KLF8: variants seen among roughly 807,000 people sequenced by gnomAD.
The protein encoded by KLF8 is KLF transcription factor 8, also known as Krueppel-like factor 8.
A neutral mutation model predicts 18.2 loss-of-function variants in KLF8; 10 were observed. That is an observed-to-expected ratio of 0.55 (90% CI 0.34 to 0.93). The LOEUF (loss-of-function observed/expected upper bound fraction) is 0.93, where lower values mean the gene tolerates loss of function less well. KLF8 is among the 40% of genes least tolerant of loss of function. The probability of loss-of-function intolerance (pLI) is 0.02; values close to 1 mark genes in which losing one functional copy is unlikely to be tolerated. For synonymous variants in KLF8, 109 were observed against 97.3 expected, an observed-to-expected ratio of 1.12 and a Z score of -0.71; for missense variants, 264 against 277.9, an observed-to-expected ratio of 0.95 and a Z score of 0.36.
At chrX:55,976,801 T>G in the KLF8 span, among the ~76,000 whole-genome samples, 1 of 111,866 alleles carries the variant, frequency 8.9e-6, no homozygotes, top group Admixed American at 9.6e-5. Flanking sequence ...TCATCTTCAA[T>G]TTCTTTCATC....
chrX:56,076,317 A>C, the KLF8 span, among the ~76,000 whole-genome samples: 1 of 71,561 alleles, frequency 1.4e-5, no homozygotes, highest in Non-Finnish European at 2.5e-5. Flanking sequence ...CAGTCCCCAG[A>C]GTGTGATGTT....
the KLF8 span, among the ~76,000 whole-genome samples, chrX:55,976,534 CTT>C: frequency 9.1e-6 from 1 of 109,344 alleles, no homozygotes; most frequent in Non-Finnish European, 1.9e-5. Context: ...TCACAAATAA[CTT>C]TATTTTTAAG....
chrX:56,015,264 G>A, the KLF8 span: 2 of 111,861 alleles, frequency 1.8e-5, no homozygotes, highest in African/African-American at 3.2e-5. Flanking sequence ...CAGATTTGAT[G>A]TGTCACAAAA....
chrX:56,222,596 TG>T, the KLF8 span, among the ~76,000 whole-genome samples: 1 of 112,753 alleles, frequency 8.9e-6, no homozygotes, highest in Admixed American at 9.3e-5. Context: ...TCCCACATGG[TG>T]GGCCTGCACT....
At chrX:56,086,541 A>T in the KLF8 span, among the ~76,000 whole-genome samples, 1 of 111,433 alleles carries the variant, frequency 9.0e-6, no homozygotes, top group Non-Finnish European at 1.9e-5. Context: ...AATAAGATCT[A>T]GTAAGCTTGT....
At chrX:55,975,514 A>G in the KLF8 span, among the ~76,000 whole-genome samples, 1 of 112,058 alleles carries the variant, frequency 8.9e-6, no homozygotes, top group Non-Finnish European at 1.9e-5. Context: ...TGGGACTTTT[A>G]TCCTTTCAGC....
the KLF8 span, among the ~76,000 whole-genome samples, chrX:56,009,219 A>G: frequency 9.1e-6 from 1 of 110,494 alleles, no homozygotes; most frequent in Non-Finnish European, 1.9e-5. Flanking sequence ...CCAGTCTGGG[A>G]CGGAGCTCCC....
the KLF8 span, among the ~76,000 whole-genome samples, chrX:56,166,084 T>TA: frequency 1.6e-3 from 179 of 109,746 alleles, no homozygotes; most frequent in Middle Eastern, 9.6e-3. Flanking sequence ...CAGCATTCAA[T>TA]AAAAATAGCA....
the KLF8 span, among the ~76,000 whole-genome samples, chrX:56,044,330 G>A: frequency 8.9e-6 from 1 of 112,217 alleles, no homozygotes; most frequent in Non-Finnish European, 1.9e-5. Context: ...CTTTCTGGGA[G>A]ACAAAGTGTG....
the KLF8 span, among the ~76,000 whole-genome samples, chrX:56,128,780 T>A: frequency 3.6e-5 from 4 of 111,723 alleles, no homozygotes; most frequent in Non-Finnish European, 5.6e-5. Flanking sequence ...AATTGGCAAA[T>A]TAGATCATAA....
chrX:56,035,876 CCT>C, the KLF8 span, among the ~76,000 whole-genome samples: 1 of 111,408 alleles, frequency 9.0e-6, no homozygotes, highest in Admixed American at 9.5e-5. Context: ...ATGTTGATCC[CCT>C]GTCAGATAAA....
Position 56,286,573 on chromosome X carries a change from C to G in KLF8, c.*2079C>G, listed in dbSNP as rs1239765555. ...AAATCATTTACAGCTGATTAAATAGCAAGTAAAATGTACTTGTGGTCATTG... is the reference window on the plus strand; with the variant it reads ...AAATCATTTACAGCTGATTAAATAGGAAGTAAAATGTACTTGTGGTCATTG... On this transcript the variant is annotated 3_prime_UTR_variant, in exon 6 of 6. Coordinates refer to ENST00000468660, the MANE Select transcript of KLF8 (RefSeq NM_007250.5). 8.9e-6 allele frequency: 1 copy of G among 112,655 alleles called. No individual in the cohort carries two copies. Among genetic ancestry groups the G allele is most frequent in the East Asian group, 2.8e-4 (1 of 3,595 alleles). The allele number at this position is 112,655 out of a possible 1,213,427, so 9.3% of individuals were successfully genotyped here.
chrX:56,108,614 ATGT>A, the KLF8 span, among the ~76,000 whole-genome samples: 2 of 111,398 alleles, frequency 1.8e-5, no homozygotes, highest in Non-Finnish European at 3.8e-5. Flanking sequence ...AAGTTTGATA[ATGT>A]TGTTGATCTT....
chrX:56,152,886 C>T, the KLF8 span, among the ~76,000 whole-genome samples: 1 of 111,997 alleles, frequency 8.9e-6, no homozygotes, highest in Non-Finnish European at 1.9e-5. Context: ...GGAACAAGCC[C>T]AGACAGCTTA....
chrX:56,019,709 T>C, the KLF8 span, among the ~76,000 whole-genome samples: 1 of 112,056 alleles, frequency 8.9e-6, no homozygotes, highest in South Asian at 3.7e-4. Context: ...TAGACTTTAA[T>C]GGTGTTTGGC....
the KLF8 span, among the ~76,000 whole-genome samples, chrX:55,979,265 A>G: frequency 1.8e-5 from 2 of 112,135 alleles, no homozygotes; most frequent in African/African-American, 6.5e-5. Flanking sequence ...ATCTTGCACC[A>G]TCCCACTCTA....
chrX:56,211,811 C>CT, the KLF8 span, among the ~76,000 whole-genome samples: 1 of 110,882 alleles, frequency 9.0e-6, no homozygotes, highest in African/African-American at 3.3e-5. Flanking sequence ...ACCTGGTGCT[C>CT]TGTCTGTCTG....
At chrX:55,985,244 T>C in the KLF8 span, among the ~76,000 whole-genome samples, 3 of 112,332 alleles carry the variant, frequency 2.7e-5, no homozygotes, top group African/African-American at 9.7e-5. Flanking sequence ...CTTCTAGGAC[T>C]TTTATAGTTT....
the KLF8 span, among the ~76,000 whole-genome samples, chrX:56,075,171 T>C: frequency 9.0e-6 from 1 of 110,809 alleles, no homozygotes; most frequent in Non-Finnish European, 1.9e-5. Context: ...TTGTTAAATG[T>C]ATTACTATAT....
Sources: gnomAD v4.1 joint callset for allele counts (sites outside exome capture counted in the v4.1 genomes callset) on GRCh38, gnomAD v4.1.1 for gene constraint, MANE v1.5 for transcripts, NCBI Gene and HGNC (gene_info 2026-07-23, HGNC 2026-07-21) for gene names.